GPHN: variants seen among roughly 807,000 people sequenced by gnomAD.
GPHN encodes gephyrin.
Under a neutral mutation model 95.5 loss-of-function variants are expected in GPHN, and 17 were observed. The ratio of observed to expected loss-of-function variants is 0.18; its 90% CI spans 0.12 to 0.27. The LOEUF (loss-of-function observed/expected upper bound fraction) is 0.27, where lower values mean the gene tolerates loss of function less well. GPHN is among the 10% of genes least tolerant of loss of function. The pLI, the probability that GPHN is intolerant of heterozygous loss-of-function variation, is 1.00. For missense variants in GPHN, 660 were observed against 978.1 expected (o/e 0.67, Z 4.34); for synonymous variants, 320 against 322.5 (o/e 0.99, Z 0.08).
the GPHN span, chr14:67,225,149 T>C: frequency 6.3e-7 from 1 of 1,586,328 alleles, no homozygotes; most frequent in Non-Finnish European, 8.6e-7. Context: ...CTCCTTCTAA[T>C]TTCCTCAAAC....
chr14:67,100,866 C>T lies in GPHN; in HGVS notation c.1248C>T (p.Gly416=), dbSNP rs780211082. Residue 416 remains glycine, a synonymous_variant, in exon 13 of 23, where the codon GGC becomes GGT. Transcript: ENST00000478722. ...TGTTCCATCTCACAGCTGCTGATGG[C>T]CCAGGAGATCGTTTCATCATTGGGG... ...KDGYAVRAAD[G]PGDRFIIGES... 2.7e-5 allele frequency: 43 copies of T among 1,604,734 alleles called. No homozygotes were observed. In the South Asian group the frequency reaches 4.6e-4, roughly 17 times the overall value.
At chr14:66,801,160 G>A (rs1378101009) in intron 3 of GPHN, among the ~76,000 whole-genome samples, 4 of 152,008 alleles carry the variant, frequency 2.6e-5, no homozygotes, top group Admixed American at 1.3e-4. Context: ...CTTTGTCTCA[G>A]TGGCCACATA....
intron 6 of GPHN, among the ~76,000 whole-genome samples, chr14:66,921,214 C>T (rs895006404): frequency 2.0e-5 from 3 of 152,170 alleles, no homozygotes; most frequent in Admixed American, 2.0e-4. Flanking sequence ...TTCCCACCAG[C>T]AGTGTAGAAG....
chr14:67,672,637 T>C, the GPHN span, among the ~76,000 whole-genome samples: 1 of 150,990 alleles, frequency 6.6e-6, no homozygotes, highest in Non-Finnish European at 1.5e-5. Context: ...GAGATGGGGT[T>C]TCACCATATT....
the GPHN span, among the ~76,000 whole-genome samples, chr14:67,251,588 T>C: frequency 6.6e-6 from 1 of 152,068 alleles, no homozygotes; most frequent in East Asian, 1.9e-4. Context: ...CTGTAAATTG[T>C]AAATAAGCTC....
chr14:66,699,197 C>A (rs955493894), intron 2 of GPHN, among the ~76,000 whole-genome samples: 2 of 152,070 alleles, frequency 1.3e-5, no homozygotes, highest in African/African-American at 4.8e-5. Context: ...TGATACTATT[C>A]TACTCACTTC....
chr14:67,255,025 T>C, the GPHN span, among the ~76,000 whole-genome samples: 1 of 152,150 alleles, frequency 6.6e-6, no homozygotes, highest in Non-Finnish European at 1.5e-5. Flanking sequence ...GGCGCACGCC[T>C]GTAGTCCCAG....
chr14:67,451,904 C>T, the GPHN span, among the ~76,000 whole-genome samples: 10 of 152,206 alleles, frequency 6.6e-5, no homozygotes, highest in Non-Finnish European at 1.5e-4. Context: ...ACCCAATTCT[C>T]ATCTTGTAGC....
the GPHN span, chr14:67,575,748 G>A: frequency 2.7e-6 from 3 of 1,094,180 alleles, no homozygotes; most frequent in Non-Finnish European, 2.7e-6. Context: ...GCTTCACGGA[G>A]CCTATGTATT....
intron 1 of GPHN, among the ~76,000 whole-genome samples, chr14:66,527,321 C>T (rs951663982): frequency 1.3e-5 from 2 of 150,816 alleles, no homozygotes; most frequent in Non-Finnish European, 3.0e-5. Flanking sequence ...GGTAATATCC[C>T]CTTTATCCCC....
chr14:67,415,054 G>C, the GPHN span, among the ~76,000 whole-genome samples: 126 of 152,344 alleles, frequency 8.3e-4, 1 homozygote, highest in East Asian at 0.02. Flanking sequence ...TGCAGGCCTG[G>C]AAGGGCTCTG....
At chr14:67,193,380 G>GAT in the GPHN span, among the ~76,000 whole-genome samples, 7 of 126,064 alleles carry the variant, frequency 5.6e-5, no homozygotes, top group African/African-American at 1.7e-4. Flanking sequence ...TATATATCTA[G>GAT]ATATATCTAG....
intron 9 of GPHN, among the ~76,000 whole-genome samples, chr14:67,008,424 C>A (rs1195779238): frequency 6.6e-6 from 1 of 150,780 alleles, no homozygotes; most frequent in African/African-American, 2.4e-5. Context: ...CCACTGCACT[C>A]CAGCAGGTGA....
At chr14:66,682,024 T>C (rs933041867) in intron 2 of GPHN, among the ~76,000 whole-genome samples, 6 of 152,188 alleles carry the variant, frequency 3.9e-5, no homozygotes, top group Non-Finnish European at 7.4e-5. Flanking sequence ...TAATAAGTCA[T>C]TGAGAATTTT....
chr14:67,469,389 G>A, the GPHN span, among the ~76,000 whole-genome samples: 2 of 148,436 alleles, frequency 1.3e-5, no homozygotes, highest in African/African-American at 5.0e-5. Context: ...TGATCCTCCT[G>A]ATTCAGGCTC....
At chr14:67,725,976 C>T in the GPHN span, 3 of 969,962 alleles carry the variant, frequency 3.1e-6, no homozygotes, top group Non-Finnish European at 3.4e-6. Flanking sequence ...AGGGAAAGGG[C>T]AATTATGCAG....
At chr14:67,009,337 A>G (rs1385342625) in intron 9 of GPHN, among the ~76,000 whole-genome samples, 2 of 152,206 alleles carry the variant, frequency 1.3e-5, no homozygotes. Flanking sequence ...CTAGGCAAGT[A>G]GCTCACAGGA....
At chr14:66,593,365 G>A (rs2061839306) in intron 1 of GPHN, among the ~76,000 whole-genome samples, 1 of 151,772 alleles carries the variant, frequency 6.6e-6, no homozygotes, top group Non-Finnish European at 1.5e-5. Flanking sequence ...AGGTTTAGTT[G>A]ACTCACAGTT....
At chr14:66,625,587 C>A (rs2063497250) in intron 1 of GPHN, among the ~76,000 whole-genome samples, 1 of 152,062 alleles carries the variant, frequency 6.6e-6, no homozygotes, top group African/African-American at 2.4e-5. Flanking sequence ...CCTTCTAATA[C>A]AGTTTATGTT....
Sources: gnomAD v4.1 joint callset for allele counts (sites outside exome capture counted in the v4.1 genomes callset) on GRCh38, gnomAD v4.1.1 for gene constraint, MANE v1.5 for transcripts, NCBI Gene and HGNC (gene_info 2026-07-23, HGNC 2026-07-21) for gene names.